RAPGEF6: variants seen among roughly 807,000 people sequenced by gnomAD.
RAPGEF6 encodes the protein PDZ domain containing guanine nucleotide exchange factor (GEF) 2.
Under a neutral mutation model 171.4 loss-of-function variants are expected in RAPGEF6, and 56 were observed. That is an observed-to-expected ratio of 0.33 (90% CI 0.26 to 0.41). The LOEUF (loss-of-function observed/expected upper bound fraction) is 0.41, where lower values mean the gene tolerates loss of function less well. Ranked by LOEUF, RAPGEF6 falls within the 10% of genes least tolerant of loss-of-function variation. The probability of loss-of-function intolerance (pLI) is 1.00; values close to 1 mark genes in which losing one functional copy is unlikely to be tolerated. For missense variants in RAPGEF6, 1,674 were observed against 1,921.4 expected (o/e 0.87, Z 2.41); for synonymous variants, 692 against 650.1 (o/e 1.06, Z -0.98).
chr5:131,594,218 G>A (rs1040781635), intron 3 of RAPGEF6, among the ~76,000 whole-genome samples: 3 of 152,232 alleles, frequency 2.0e-5, no homozygotes, highest in African/African-American at 4.8e-5. Flanking sequence ...CTGTTCTCAT[G>A]ATAGTGAGCT....
rs1760255688 is a variant in RAPGEF6, at chr5:131,542,977, G to C, written c.495+5070C>G. Reference sequence around the variant, plus strand: ...ATTTACTTGTACATTGTGATCAATAGCTCAATACTATGGCTAGCTAGCTGC... The same window carrying C: ...ATTTACTTGTACATTGTGATCAATACCTCAATACTATGGCTAGCTAGCTGC... On this transcript the variant is annotated intron_variant, in intron 6 of 27. Coordinates refer to ENST00000509018, the MANE Select transcript of RAPGEF6 (RefSeq NM_016340.6). Among the ~76,000 whole-genome samples the C allele has an allele frequency of 3.3e-5, 5 of 152,288 alleles. No homozygotes were observed. The South Asian group carries it at 1.0e-3, about 32-fold the overall frequency.
chr5:131,631,906 C>A (rs1361285373), intron 1 of RAPGEF6, among the ~76,000 whole-genome samples: 1 of 152,050 alleles, frequency 6.6e-6, no homozygotes, highest in Non-Finnish European at 1.5e-5. Flanking sequence ...GAAACCCCAT[C>A]TCTACTAAAA....
At chr5:131,429,760 A>T (rs1241134028) in intron 26 of RAPGEF6, among the ~76,000 whole-genome samples, 1 of 152,154 alleles carries the variant, frequency 6.6e-6, no homozygotes, top group Admixed American at 6.5e-5. Flanking sequence ...TTCCTTCAAG[A>T]ACTTTACTTC....
rs549120267 is a variant in RAPGEF6 at position 131,477,628 on chromosome 5, G to C, written c.2081+1885C>G. Among the ~76,000 whole-genome samples, 178 of 152,284 alleles carry C rather than the reference G, an allele frequency of 1.2e-3. 1 individual carries two copies. Among genetic ancestry groups the C allele is most frequent in the African/African-American group, 4.1e-3 (172 of 41,552 alleles). ...CACACCCTCACCAAAGGATAATGTG[G>C]AGATGAGATACTGATTTAGCTGCCT... On this transcript the variant is annotated intron_variant, in intron 16 of 27. Transcript: ENST00000509018.
At chr5:131,430,209 T>C (rs1383314622) in intron 26 of RAPGEF6, among the ~76,000 whole-genome samples, 3 of 152,148 alleles carry the variant, frequency 2.0e-5, no homozygotes, top group Non-Finnish European at 4.4e-5. Flanking sequence ...TTGATTATGA[T>C]ATTAATTCAA....
At chr5:131,591,846 C>A (rs1033648041) in intron 4 of RAPGEF6, among the ~76,000 whole-genome samples, 5 of 152,056 alleles carry the variant, frequency 3.3e-5, no homozygotes, top group Non-Finnish European at 7.4e-5. Context: ...CAGATCAAAT[C>A]GTACATAAAA....
At chr5:131,469,499 TTC>T (rs1333097821) in intron 17 of RAPGEF6, among the ~76,000 whole-genome samples, 1 of 152,154 alleles carries the variant, frequency 6.6e-6, no homozygotes, top group African/African-American at 2.4e-5. Context: ...CTTTTCAAAT[TTC>T]TCTTAGCCAC....
intron 4 of RAPGEF6, among the ~76,000 whole-genome samples, chr5:131,570,312 A>G (rs1762202409): frequency 6.6e-6 from 1 of 152,160 alleles, no homozygotes; most frequent in Admixed American, 6.5e-5. Context: ...AATATACACC[A>G]GAATGGCAAA....
chr5:131,612,201 A>ATTTTTTTTTTTTTTTTT (rs35306366), intron 1 of RAPGEF6, among the ~76,000 whole-genome samples: 5 of 83,326 alleles, frequency 6.0e-5, no homozygotes, highest in Non-Finnish European at 7.0e-5. Flanking sequence ...TGCTCAGCTA[A>ATTTTTTTTTTTTTTTTT]TTTTTTTTTT....
intron 1 of RAPGEF6, among the ~76,000 whole-genome samples, chr5:131,606,203 A>C (rs1337207112): frequency 2.0e-5 from 3 of 151,788 alleles, no homozygotes; most frequent in African/African-American, 7.3e-5. Flanking sequence ...CTCTACAAAA[A>C]ATAATTTAAA....
chr5:131,540,046 T>A (rs565352354), intron 6 of RAPGEF6, among the ~76,000 whole-genome samples: 6 of 152,212 alleles, frequency 3.9e-5, no homozygotes, highest in Non-Finnish European at 7.3e-5. Flanking sequence ...TTTCCAGATG[T>A]TCTTTTAGGA....
chr5:131,629,345 G>A (rs1180241303), intron 1 of RAPGEF6, among the ~76,000 whole-genome samples: 3 of 152,030 alleles, frequency 2.0e-5, no homozygotes, highest in African/African-American at 7.2e-5. Context: ...AGCATGGGAG[G>A]AGGTCAAAAT....
At chr5:131,436,612 GATAAAA>G (rs3834241) in intron 24 of RAPGEF6, among the ~76,000 whole-genome samples, 33,426 of 129,464 alleles carry the variant, frequency 0.26, 3,953 homozygotes, top group East Asian at 0.49. Context: ...ACAAGCTGGT[GATAAAA>G]ATAAAAACAA....
At chr5:131,633,105 G>A (rs976400226) in intron 1 of RAPGEF6, among the ~76,000 whole-genome samples, 17 of 152,134 alleles carry the variant, frequency 1.1e-4, no homozygotes, top group Non-Finnish European at 2.2e-4. Context: ...AGGCCGAGGC[G>A]AGCGGATCAT....
intron 6 of RAPGEF6, among the ~76,000 whole-genome samples, chr5:131,536,858 T>A (rs796651350): frequency 3.3e-5 from 5 of 152,302 alleles, no homozygotes; most frequent in African/African-American, 1.2e-4. Flanking sequence ...GAGTAACATA[T>A]ATAAATGATA....
chr5:131,560,622 T>C (rs1761537271), intron 5 of RAPGEF6, among the ~76,000 whole-genome samples: 1 of 152,232 alleles, frequency 6.6e-6, no homozygotes, highest in African/African-American at 2.4e-5. Context: ...GAATCCCATA[T>C]ATTCAGTGCT....
intron 21 of RAPGEF6, chr5:131,449,945 G>A (rs991687782): frequency 3.4e-5 from 47 of 1,373,640 alleles, no homozygotes; most frequent in Non-Finnish European, 4.0e-5. Context: ...TTTTATGTGC[G>A]TGCATTAATG....
chr5:131,555,039 C>G (rs1761145760), intron 5 of RAPGEF6, among the ~76,000 whole-genome samples: 1 of 152,106 alleles, frequency 6.6e-6, no homozygotes, highest in Non-Finnish European at 1.5e-5. Context: ...ATAGAAAAGT[C>G]TTTCCAGGTA....
intron 6 of RAPGEF6, among the ~76,000 whole-genome samples, chr5:131,534,258 C>CA (rs1345251353): frequency 6.6e-6 from 1 of 151,414 alleles, no homozygotes; most frequent in African/African-American, 2.4e-5. Flanking sequence ...TTGTTAAGCA[C>CA]AAAAAAAATA....
Sources: gnomAD v4.1 joint callset for allele counts (sites outside exome capture counted in the v4.1 genomes callset) on GRCh38, gnomAD v4.1.1 for gene constraint, MANE v1.5 for transcripts, NCBI Gene and HGNC (gene_info 2026-07-23, HGNC 2026-07-21) for gene names.